MYH11: variants seen among roughly 807,000 people sequenced by gnomAD.
The protein encoded by MYH11 is myosin-11.
Under a neutral mutation model 246.6 loss-of-function variants are expected in MYH11, and 80 were observed. The observed-to-expected ratio is 0.32, with a 90% confidence interval of 0.27 to 0.39. MYH11 has a LOEUF of 0.39. MYH11 is among the 10% of genes least tolerant of loss of function. The probability of loss-of-function intolerance (pLI) is 1.00; values close to 1 mark genes in which losing one functional copy is unlikely to be tolerated. For synonymous variants in MYH11, 1,071 were observed against 1,015.5 expected (o/e 1.05, Z -1.04); for missense variants, 2,158 against 2,546.8 (o/e 0.85, Z 3.29).
Position 15,719,262 on chromosome 16 carries a change from T to G in MYH11, c.5129A>C (p.Lys1710Thr). The G allele has an allele frequency of 6.2e-7, 1 of 1,613,440 alleles. No individual in the cohort carries two copies. The highest frequency in any genetic ancestry group is 8.5e-7 in the Non-Finnish European group (1 of 1,180,028). The change falls in exon 36 of 41, where the codon AAG (lysine) becomes ACG (threonine). Residue 1710 changes from lysine to threonine, a missense_variant. Lys to Thr is a moderately conservative substitution (Grantham distance 78). Coordinates refer to ENST00000300036, the MANE Select transcript of MYH11 (RefSeq NM_002474.3). ...ERARKQADLE[K>T]EELAEELASS... ...GGCCAGCTCCTCTGCCAGTTCCTCCTTCTCGAGGTCCGCTTGTTTGCGAGC... is the reference window on the plus strand; with the variant it reads ...GGCCAGCTCCTCTGCCAGTTCCTCCGTCTCGAGGTCCGCTTGTTTGCGAGC...
At chr16:15,766,734 T>G (rs943918718) in intron 9 of MYH11, among the ~76,000 whole-genome samples, 1 of 152,220 alleles carries the variant, frequency 6.6e-6, no homozygotes, top group Non-Finnish European at 1.5e-5. Context: ...ATCTCTCCTG[T>G]GGGCTCAGGA....
At chr16:15,757,382 G>A (rs1462477168) in intron 13 of MYH11, among the ~76,000 whole-genome samples, 4 of 150,532 alleles carry the variant, frequency 2.7e-5, no homozygotes, top group Non-Finnish European at 4.4e-5. Flanking sequence ...GGTGGTGCAC[G>A]CCTGTAGTCT....
chr16:15,846,729 G>A (rs1396104232), intron 1 of MYH11, among the ~76,000 whole-genome samples: 1 of 152,170 alleles, frequency 6.6e-6, no homozygotes, highest in Admixed American at 6.5e-5. Context: ...TGAGGTAGGA[G>A]GATAACCTGA....
intron 6 of MYH11, chr16:15,779,230 A>G: frequency 2.9e-6 from 1 of 350,386 alleles, no homozygotes; most frequent in Non-Finnish European, 5.5e-6. Context: ...CCTGGGCTCA[A>G]GCAATCCCCT....
intron 13 of MYH11, among the ~76,000 whole-genome samples, chr16:15,757,303 T>TGTACCACCAGGCCC (rs2041750435): frequency 6.7e-6 from 1 of 150,310 alleles, no homozygotes; most frequent in African/African-American, 2.4e-5. Flanking sequence ...ACCACAGGCG[T>TGTACCACCAGGCCC]GCACCACCAG....
intron 3 of MYH11, among the ~76,000 whole-genome samples, chr16:15,799,428 T>C (rs758682752): frequency 3.9e-5 from 6 of 152,190 alleles, no homozygotes; most frequent in Non-Finnish European, 8.8e-5. Context: ...CTAGCCTGAT[T>C]CCTAGTGTTC....
Position 15,730,597 on chromosome 16 carries a change from C to T in MYH11, c.3651+1967G>A, listed in dbSNP as rs117161826. 3.6e-3 allele frequency among the ~76,000 whole-genome samples: 545 copies of T among 152,168 alleles called. 4 individuals are homozygous for T. The highest frequency in any genetic ancestry group is 0.019 in the Admixed American group (292 of 15,266). ...GTATTTCTGTAGAGCAGTGCAACAA[C>T]GGACCAATACACTAGTGATAGAACC... On this transcript the variant is annotated intron_variant, in intron 27 of 40. Transcript: ENST00000300036.
intron 5 of MYH11, among the ~76,000 whole-genome samples, chr16:15,784,457 G>A (rs768068960): frequency 1.3e-5 from 2 of 152,104 alleles, no homozygotes; most frequent in South Asian, 2.1e-4. Context: ...AGGCTGGAGC[G>A]CAACCCTGGG....
chr16:15,763,659 T>A, intron 10 of MYH11, 137 bp downstream of exon 10: 1 of 769,560 alleles, frequency 1.3e-6, no homozygotes, highest in Non-Finnish European at 2.3e-6. Flanking sequence ...TTTGAAAAAG[T>A]GAGTGATAAG....
At chr16:15,724,522 T>C (rs1208430282) in intron 30 of MYH11, 113 bp from the exon 31 acceptor site, 2 of 1,606,012 alleles carry the variant, frequency 1.2e-6, no homozygotes, top group African/African-American at 1.3e-5. Context: ...AGAAACCCAA[T>C]AGCAGGGGAA....
Position 15,763,825 on chromosome 16 carries a change from G to T in MYH11, c.1100C>A (p.Thr367Lys), listed in dbSNP as rs1026635988. ...GTTATCTGGCATGGACGCCTGGTCT[G>T]TGTTTCTTTCCTTCTTGAAGACGAT... Reference protein sequence around the residue: ...GNIVFKKERNTDQASMPDNTA... With the variant: ...GNIVFKKERNKDQASMPDNTA... Residue 367 changes from threonine to lysine, a missense_variant, in exon 10 of 41, where the codon ACA (threonine) becomes AAA (lysine). Physicochemically the swap from Thr to Lys is moderately conservative, Grantham distance 78. Transcript: ENST00000300036. The T allele has an allele frequency of 6.2e-7, 1 of 1,606,712 alleles. No homozygotes were observed.
intron 2 of MYH11, among the ~76,000 whole-genome samples, chr16:15,836,584 G>C (rs2043900489): frequency 6.6e-6 from 1 of 151,784 alleles, no homozygotes; most frequent in Non-Finnish European, 1.5e-5. Context: ...ATTTTTAGTA[G>C]AGACGGGGTT....
chr16:15,820,660 C>T (rs2043386945), intron 3 of MYH11, among the ~76,000 whole-genome samples: 1 of 152,002 alleles, frequency 6.6e-6, no homozygotes, highest in Non-Finnish European at 1.5e-5. Flanking sequence ...CTTTTTAGCT[C>T]GGGCTGCAGA....
At chr16:15,830,335 T>C (rs1318932194) in intron 2 of MYH11, among the ~76,000 whole-genome samples, 1 of 152,218 alleles carries the variant, frequency 6.6e-6, no homozygotes, top group African/African-American at 2.4e-5. Flanking sequence ...CACGTGCTTT[T>C]GCTGCAGCCT....
intron 40 of MYH11, among the ~76,000 whole-genome samples, chr16:15,709,843 A>G (rs1200504383): frequency 6.6e-6 from 1 of 152,158 alleles, no homozygotes; most frequent in Non-Finnish European, 1.5e-5. Flanking sequence ...GCCTCTAGCA[A>G]GAGAGGAGAG....
chr16:15,842,489 C>A (rs979151207), intron 1 of MYH11, among the ~76,000 whole-genome samples: 2 of 151,896 alleles, frequency 1.3e-5, no homozygotes, highest in African/African-American at 4.8e-5. Flanking sequence ...CGGCTAGGTG[C>A]GGTGGCTCAC....
At position 15,756,425 on chromosome 16, in the gene MYH11, C is replaced by T. The variant is rs779863003; in HGVS notation, c.1665G>A (p.Thr555=). 11 of 1,614,044 alleles carry T rather than the reference C, an allele frequency of 6.8e-6. No individual in the cohort carries two copies. The East Asian group carries it at 8.9e-5, about 13-fold the overall frequency. ...GGAACTTGGGGTGGCTGCCCTGCTC[C>T]GTGCACAGCTTCTCCACGAAAGACT... The part of the protein sequence containing the change: ...TDKSFVEKLC[T]EQGSHPKFQK... Residue 555 remains threonine, a synonymous_variant, in exon 14 of 41, where the codon ACG becomes ACA. Transcript: ENST00000300036.
Position 15,754,654 on chromosome 16 carries a change from T to TTTTG in MYH11, c.1750-1150_1750-1147dup, listed in dbSNP as rs890905305. 1.1e-4 allele frequency among the ~76,000 whole-genome samples: 17 copies of TTTTG among 152,158 alleles called. 1 individual carries two copies. Among genetic ancestry groups the TTTTG allele is most frequent in the African/African-American group, 2.6e-4 (11 of 41,528 alleles). ...TTTTGGCTTGGCAAGTCATACAATG[T>TTTTG]TTTGTTTGTTTGTTTGTTTTGGTTT... On this transcript the variant is annotated intron_variant, in intron 14 of 40. Transcript: ENST00000300036.
In MYH11 at chr16:15,704,030, A is replaced by C. The variant is rs1388227616; in HGVS notation, c.5880T>G (p.Thr1960=). The C allele has an allele frequency of 6.2e-7, 1 of 1,614,008 alleles. No homozygotes were observed. Among genetic ancestry groups the C allele is most frequent in the Non-Finnish European group, 8.5e-7 (1 of 1,180,016 alleles). The change falls in exon 41 of 41, where the codon ACT becomes ACG. Residue 1960 remains threonine, a synonymous_variant. Transcript: ENST00000300036. ...TGGTTCCATTGAAGTCTGCGTCTCG[A>C]GTGTCCGTTTCCTCCTCAGAACCAT... ...NADGSEEETD[T]RDADFNGTKA... is the part of the protein sequence containing the mutation.
Sources: allele counts gnomAD v4.1 joint callset (sites outside exome capture counted in the v4.1 genomes callset), GRCh38; gene constraint gnomAD v4.1.1; transcripts MANE v1.5; gene names NCBI Gene and HGNC (gene_info 2026-07-23, HGNC 2026-07-21).